Variants in ABTB3 observed in about 807,000 individuals in gnomAD.
ABTB3 encodes the protein ankyrin repeat and BTB domain containing 3.
At chr12:107,513,417 G>A in the ABTB3 span, among the ~76,000 whole-genome samples, 19 of 152,236 alleles carry the variant, frequency 1.2e-4, no homozygotes, top group African/African-American at 4.6e-4. Flanking sequence ...TCTCCTGAAA[G>A]TGAGTGAGTC....
At chr12:107,425,600 T>C in the ABTB3 span, among the ~76,000 whole-genome samples, 1 of 152,240 alleles carries the variant, frequency 6.6e-6, no homozygotes, top group Non-Finnish European at 1.5e-5. Context: ...CTCAAAGAAT[T>C]GCTCCTTTTG....
chr12:107,478,656 T>G, the ABTB3 span, among the ~76,000 whole-genome samples: 1 of 152,154 alleles, frequency 6.6e-6, no homozygotes, highest in Non-Finnish European at 1.5e-5. Flanking sequence ...TCTTAGGTAA[T>G]AGTCCAGCCT....
At chr12:107,600,712 G>GGA in the ABTB3 span, among the ~76,000 whole-genome samples, 1 of 152,352 alleles carries the variant, frequency 6.6e-6, no homozygotes, top group African/African-American at 2.4e-5. Flanking sequence ...CTGCTGCCTT[G>GGA]GAGAGGAGCC....
At chr12:107,641,611 A>G in the ABTB3 span, among the ~76,000 whole-genome samples, 2 of 152,232 alleles carry the variant, frequency 1.3e-5, no homozygotes, top group Non-Finnish European at 2.9e-5. Flanking sequence ...GTCAACAAAC[A>G]TTGATTAAAT....
chr12:107,487,261 A>G, the ABTB3 span, among the ~76,000 whole-genome samples: 2 of 152,156 alleles, frequency 1.3e-5, no homozygotes, highest in African/African-American at 2.4e-5. Flanking sequence ...TCCTGCCTCA[A>G]AGAAGTTGGG....
At chr12:107,628,756 A>G in the ABTB3 span, among the ~76,000 whole-genome samples, 5 of 152,216 alleles carry the variant, frequency 3.3e-5, no homozygotes, top group East Asian at 9.6e-4. Flanking sequence ...ATATGGTGAT[A>G]CATTCTCTTT....
chr12:107,412,926 G>A, the ABTB3 span, among the ~76,000 whole-genome samples: 3 of 152,092 alleles, frequency 2.0e-5, no homozygotes, highest in Non-Finnish European at 4.4e-5. Flanking sequence ...CAGATGCAGC[G>A]TGTCCGGGGT....
At chr12:107,546,584 G>A in the ABTB3 span, among the ~76,000 whole-genome samples, 1 of 152,310 alleles carries the variant, frequency 6.6e-6, no homozygotes, top group African/African-American at 2.4e-5. Context: ...TGTCTACACG[G>A]TATCCTTGCA....
chr12:107,514,505 C>A, the ABTB3 span, among the ~76,000 whole-genome samples: 16,454 of 152,202 alleles, frequency 0.11, 954 homozygotes, highest in African/African-American at 0.14. Flanking sequence ...TCAGTTCCCT[C>A]TGTATCTAAA....
At chr12:107,469,206 A>T in the ABTB3 span, among the ~76,000 whole-genome samples, 2 of 152,122 alleles carry the variant, frequency 1.3e-5, no homozygotes, top group Admixed American at 1.3e-4. Flanking sequence ...TCTGCTTCTG[A>T]TGGGACCCCA....
the ABTB3 span, among the ~76,000 whole-genome samples, chr12:107,458,289 T>A: frequency 6.6e-6 from 1 of 152,126 alleles, no homozygotes; most frequent in Admixed American, 6.5e-5. Flanking sequence ...ATTTGACAGG[T>A]GAACAGAATG....
At chr12:107,325,816 T>C in the ABTB3 span, among the ~76,000 whole-genome samples, 7 of 152,226 alleles carry the variant, frequency 4.6e-5, no homozygotes, top group Admixed American at 3.9e-4. Context: ...ATGGGTATTA[T>C]AATAAACAGC....
At chr12:107,371,399 G>A in the ABTB3 span, among the ~76,000 whole-genome samples, 1 of 152,160 alleles carries the variant, frequency 6.6e-6, no homozygotes, top group East Asian at 1.9e-4. Flanking sequence ...TGTCCTGCCA[G>A]GCTTCTACGA....
the ABTB3 span, among the ~76,000 whole-genome samples, chr12:107,636,644 T>C: frequency 1.3e-5 from 2 of 152,306 alleles, no homozygotes; most frequent in Middle Eastern, 3.4e-3. Context: ...AGTCAAAGGC[T>C]GTCTATCTTT....
chr12:107,570,328 C>T, the ABTB3 span, among the ~76,000 whole-genome samples: 2 of 152,166 alleles, frequency 1.3e-5, no homozygotes, highest in African/African-American at 4.8e-5. Flanking sequence ...GATTCTCGTG[C>T]CTCAGCCTCC....
At chr12:107,487,835 A>C in the ABTB3 span, among the ~76,000 whole-genome samples, 3 of 152,186 alleles carry the variant, frequency 2.0e-5, no homozygotes, top group Non-Finnish European at 4.4e-5. Flanking sequence ...TACAAATGAC[A>C]TTTGATCACC....
chr12:107,491,847 G>A, the ABTB3 span, among the ~76,000 whole-genome samples: 8 of 151,518 alleles, frequency 5.3e-5, no homozygotes, highest in African/African-American at 1.7e-4. Context: ...AAAAAACCCG[G>A]TTGAACCCAG....
chr12:107,482,922 TTC>T, the ABTB3 span, among the ~76,000 whole-genome samples: 18 of 28,380 alleles, frequency 6.3e-4, 1 homozygote, highest in African/African-American at 2.9e-3. Flanking sequence ...TCTTCTTTCT[TTC>T]TTTCTTTCTT....
chr12:107,517,067 G>C, the ABTB3 span, among the ~76,000 whole-genome samples: 316 of 152,290 alleles, frequency 2.1e-3, 2 homozygotes, highest in African/African-American at 7.1e-3. Context: ...AAGGGATCCA[G>C]TTTCAACTTT....
Sources: gnomAD v4.1 joint callset for allele counts (sites outside exome capture counted in the v4.1 genomes callset) on GRCh38, gnomAD v4.1.1 for gene constraint, MANE v1.5 for transcripts, NCBI Gene and HGNC (gene_info 2026-07-23, HGNC 2026-07-21) for gene names.